Variants in GNG7 observed in about 807,000 individuals in gnomAD.
The protein encoded by GNG7 is guanine nucleotide-binding protein G(I)/G(S)/G(O) subunit gamma-7.
In GNG7, 1 loss-of-function variant was observed where a neutral mutation model predicts 4.0. The ratio of observed to expected loss-of-function variants is 0.25; its 90% confidence interval spans 0.09 to 1.18. The LOEUF is 1.18. Ranked by LOEUF, GNG7 falls within the 50% of genes most tolerant of loss-of-function variation. The probability of loss-of-function intolerance (pLI) is 0.50; values close to 1 mark genes in which losing one functional copy is unlikely to be tolerated. For missense variants in GNG7, 86 were observed against 91.9 expected, an observed-to-expected ratio of 0.94 and a Z score of 0.26; for synonymous variants, 34 against 36.9, an observed-to-expected ratio of 0.92 and a Z score of 0.29.
intron 2 of GNG7, among the ~76,000 whole-genome samples, chr19:2,555,851 G>A (rs1275677093): frequency 2.6e-5 from 4 of 152,114 alleles, no homozygotes; most frequent in Non-Finnish European, 5.9e-5. Context: ...TTCCAAGCCG[G>A]ACCCTGCACA....
intron 2 of GNG7, among the ~76,000 whole-genome samples, chr19:2,598,354 T>A (rs563153852): frequency 1.3e-5 from 2 of 152,058 alleles, no homozygotes; most frequent in South Asian, 4.2e-4. Flanking sequence ...TGAAACCACA[T>A]CTCTACTGAA....
rs60342985 is a variant in GNG7, at chr19:2,657,399, T to TAC, written c.-134-11121_-134-11120dup. ...ATATATATATATATATATATATATA[T>TAC]ACACATAATAACATTTATCCTAAAA... On this transcript the variant is annotated intron_variant, in intron 1 of 4. Transcript: ENST00000382159. 9.9e-3 allele frequency among the ~76,000 whole-genome samples: 797 copies of TAC among 80,550 alleles called. 48 individuals carry two copies. Among genetic ancestry groups the TAC allele is most frequent in the African/African-American group, 0.033 (523 of 16,000 alleles). 52.8% of individuals were successfully genotyped at this position (80,550 alleles called of 152,430 possible).
chr19:2,563,895 G>A (rs910219560), intron 2 of GNG7, among the ~76,000 whole-genome samples: 1 of 152,114 alleles, frequency 6.6e-6, no homozygotes, highest in Non-Finnish European at 1.5e-5. Context: ...GGTCCAGAGA[G>A]GATTTGAAGC....
rs193065650 is a variant in GNG7 at position 2,612,844 on chromosome 19, C to A, written c.-78+33380G>T. 8.0e-3 allele frequency among the ~76,000 whole-genome samples: 1,212 copies of A among 151,944 alleles called. 8 individuals carry two copies. Among genetic ancestry groups the A allele is most frequent in the Non-Finnish European group, 0.013 (894 of 67,964 alleles). ...GGTAGCTGGGACTACAGGTACCCAC[C>A]ACCACACCCGGCTAATTTTGTATTT... On this transcript the variant is annotated intron_variant, in intron 2 of 4. Coordinates refer to ENST00000382159, the MANE Select transcript of GNG7 (RefSeq NM_052847.3).
intron 1 of GNG7, among the ~76,000 whole-genome samples, chr19:2,651,402 CTCCCTCCT>C (rs1415371123): frequency 2.1e-5 from 2 of 93,674 alleles, no homozygotes; most frequent in East Asian, 3.3e-4. Context: ...CCATCCCTCC[CTCCCTCCT>C]TCCCTCCTTC....
At chr19:2,542,403 A>G (rs1395605384) in intron 3 of GNG7, among the ~76,000 whole-genome samples, 1 of 151,936 alleles carries the variant, frequency 6.6e-6, no homozygotes, top group Admixed American at 6.6e-5. Flanking sequence ...GGTGCGAGTC[A>G]CCGCGCCTGG....
chr19:2,621,466 G>A (rs949903119), intron 2 of GNG7, among the ~76,000 whole-genome samples: 1 of 152,214 alleles, frequency 6.6e-6, no homozygotes, highest in South Asian at 2.1e-4. Context: ...GGGAGGCCGA[G>A]GTGGGCAGAT....
intron 1 of GNG7, among the ~76,000 whole-genome samples, chr19:2,694,499 C>A (rs991297277): frequency 6.6e-6 from 1 of 150,418 alleles, no homozygotes; most frequent in African/African-American, 2.5e-5. Context: ...ACAATCCGGT[C>A]CCCCCTATCT....
chr19:2,556,670 G>C (rs1217547360), intron 2 of GNG7, among the ~76,000 whole-genome samples: 1 of 152,158 alleles, frequency 6.6e-6, no homozygotes, highest in Non-Finnish European at 1.5e-5. Context: ...CCCAGCTGGG[G>C]AGGCCGAGTC....
At chr19:2,654,522 G>A (rs1328635002) in intron 1 of GNG7, among the ~76,000 whole-genome samples, 1 of 128,470 alleles carries the variant, frequency 7.8e-6, no homozygotes, top group Non-Finnish European at 1.7e-5. Context: ...ATCATCCCCA[G>A]AAAGACCTCC....
At chr19:2,527,822 C>T (rs900652813) in intron 3 of GNG7, among the ~76,000 whole-genome samples, 22 of 151,138 alleles carry the variant, frequency 1.5e-4, no homozygotes, top group Non-Finnish European at 5.9e-5. Flanking sequence ...CACAAATGTC[C>T]CCAGACTTGG....
intron 1 of GNG7, among the ~76,000 whole-genome samples, chr19:2,656,294 G>A (rs1037813563): frequency 6.6e-6 from 1 of 152,152 alleles, no homozygotes; most frequent in African/African-American, 2.4e-5. Context: ...CATGTCCATC[G>A]TTGGATGAAT....
At chr19:2,648,027 C>CA (rs56125421) in intron 1 of GNG7, among the ~76,000 whole-genome samples, 11,843 of 64,414 alleles carry the variant, frequency 0.18, 1,760 homozygotes, top group Non-Finnish European at 0.25. Flanking sequence ...GACCCTGTCT[C>CA]AAAAAAAAAA....
chr19:2,633,499 A>ACGCGCG lies in GNG7; in HGVS notation c.-78+12724_-78+12725insCGCGCG, dbSNP rs1568268792. Among the ~76,000 whole-genome samples the ACGCGCG allele has an allele frequency of 0.022, 2,953 of 135,890 alleles. 102 individuals carry two copies. Among genetic ancestry groups the ACGCGCG allele is most frequent in the African/African-American group, 0.084 (2,738 of 32,434 alleles). 89.1% of individuals were successfully genotyped at this position (135,890 alleles called of 152,430 possible). On this transcript the variant is annotated intron_variant, in intron 2 of 4. Transcript: ENST00000382159. The surrounding 1 kb of genome is among the most constrained non-coding windows in gnomAD (Gnocchi z 5.9). ...CGCGCGCGCGCGCGCACACACACAC[A>ACGCGCG]CACACACACACACACACACACACAC...
intron 2 of GNG7, among the ~76,000 whole-genome samples, chr19:2,578,908 G>C (rs894036920): frequency 2.6e-5 from 4 of 152,246 alleles, no homozygotes; most frequent in Non-Finnish European, 5.9e-5. Context: ...CCCAGGGGCC[G>C]AGCTGTGGGG....
chr19:2,675,162 T>A (rs1315082120), intron 1 of GNG7, among the ~76,000 whole-genome samples: 1 of 152,120 alleles, frequency 6.6e-6, no homozygotes, highest in Non-Finnish European at 1.5e-5. Context: ...GTTGGACGTG[T>A]TCATAAATGA....
rs551102950 is a variant in GNG7 at position 2,567,225 on chromosome 19, C to A, written c.-77-12037G>T. 2.0e-3 allele frequency among the ~76,000 whole-genome samples: 301 copies of A among 151,930 alleles called. 2 individuals carry two copies. The Middle Eastern group carries it at 0.031, about 15-fold the overall frequency. On this transcript the variant is annotated intron_variant, in intron 2 of 4. Coordinates refer to ENST00000382159, the MANE Select transcript of GNG7 (RefSeq NM_052847.3). ...TGCTGGCTGACCTCTGCTCTAGAAT[C>A]TCCTTAATTTCAAGTCATTGGGTTG... is the stretch of plus-strand genomic sequence containing the variant.
chr19:2,681,113 C>T (rs914976067), intron 1 of GNG7, among the ~76,000 whole-genome samples: 1 of 152,092 alleles, frequency 6.6e-6, no homozygotes, highest in Non-Finnish European at 1.5e-5. Context: ...TCCCAAGTAG[C>T]TGGGACTACA....
intron 3 of GNG7, among the ~76,000 whole-genome samples, chr19:2,553,768 A>C (rs935833011): frequency 4.1e-5 from 6 of 147,850 alleles, no homozygotes; most frequent in African/African-American, 1.5e-4. Flanking sequence ...CACATATTGC[A>C]TGTAATGTTA....
Sources: gnomAD v4.1 joint callset for allele counts (sites outside exome capture counted in the v4.1 genomes callset) on GRCh38, gnomAD v4.1.1 for gene constraint, Gnocchi (gnomAD v3.1) non-coding constraint, MANE v1.5 for transcripts, NCBI Gene and HGNC (gene_info 2026-07-23, HGNC 2026-07-21) for gene names.